CSMD2: variants seen among roughly 807,000 people sequenced by gnomAD.
The protein encoded by CSMD2 is CUB and Sushi multiple domains 2.
In CSMD2, 130 loss-of-function variants were observed where a neutral mutation model predicts 398.5. The ratio of observed to expected loss-of-function variants is 0.33; its 90% CI spans 0.28 to 0.38. The LOEUF is 0.38. Ranked by LOEUF, CSMD2 falls within the 10% of genes least tolerant of loss-of-function variation. The pLI, the probability that CSMD2 is intolerant of heterozygous loss-of-function variation, is 1.00. For synonymous variants in CSMD2, 1,828 were observed against 1,908.5 expected, an observed-to-expected ratio of 0.96 and a Z score of 1.10; for missense variants, 3,829 against 4,764.9, an observed-to-expected ratio of 0.80 and a Z score of 5.78.
chr1:33,990,619 C>A (rs34149410), intron 3 of CSMD2, among the ~76,000 whole-genome samples: 3 of 152,194 alleles, frequency 2.0e-5, no homozygotes, highest in African/African-American at 7.2e-5. Flanking sequence ...TCACCCCAAA[C>A]TCAAGGGACT....
intron 28 of CSMD2, 69 bp from the exon 29 acceptor site, chr1:33,646,904 C>T (rs746559877): frequency 1.5e-5 from 22 of 1,491,550 alleles, no homozygotes; most frequent in Non-Finnish European, 2.0e-5. Flanking sequence ...GGGTCTTAGG[C>T]TCAACCAAAG....
chr1:34,082,767 AC>A (rs1182859487), intron 2 of CSMD2, among the ~76,000 whole-genome samples: 10 of 151,990 alleles, frequency 6.6e-5, no homozygotes. Flanking sequence ...CTATAACCTT[AC>A]CCCCAACCCC....
At chr1:34,104,640 G>A (rs915112724) in intron 1 of CSMD2, among the ~76,000 whole-genome samples, 4 of 152,152 alleles carry the variant, frequency 2.6e-5, no homozygotes, top group Admixed American at 6.5e-5. Flanking sequence ...AAATCATCAC[G>A]CCCGCTGAAG....
chr1:34,030,120 C>T (rs1375509321), intron 3 of CSMD2, among the ~76,000 whole-genome samples: 16 of 152,202 alleles, frequency 1.1e-4, no homozygotes, highest in Non-Finnish European at 7.3e-5. Flanking sequence ...GGCTGTTCTA[C>T]ATGGCAGACA....
chr1:33,797,425 G>A (rs1365794753), intron 10 of CSMD2, among the ~76,000 whole-genome samples: 1 of 152,178 alleles, frequency 6.6e-6, no homozygotes, highest in Non-Finnish European at 1.5e-5. Flanking sequence ...CAGCACAATA[G>A]CTATTTTGAG....
At chr1:33,736,915 T>C (rs900493676) in intron 15 of CSMD2, among the ~76,000 whole-genome samples, 5 of 152,168 alleles carry the variant, frequency 3.3e-5, no homozygotes, top group African/African-American at 1.2e-4. Flanking sequence ...CTCAGAGATA[T>C]GAACCAACAC....
At chr1:33,769,303 G>A (rs959217608) in intron 13 of CSMD2, among the ~76,000 whole-genome samples, 11 of 152,206 alleles carry the variant, frequency 7.2e-5, no homozygotes, top group Non-Finnish European at 1.6e-4. Context: ...CAATTTCCTA[G>A]GCAGAGACTG....
chr1:34,073,565 A>C (rs567747125), intron 2 of CSMD2, among the ~76,000 whole-genome samples: 58 of 152,312 alleles, frequency 3.8e-4, no homozygotes, highest in African/African-American at 1.3e-3. Context: ...TTCTCACTCT[A>C]TACACTGCTG....
intron 21 of CSMD2, among the ~76,000 whole-genome samples, chr1:33,712,917 G>A (rs1242083557): frequency 2.6e-5 from 4 of 152,166 alleles, no homozygotes; most frequent in Non-Finnish European, 5.9e-5. Flanking sequence ...GTTCAGAAAT[G>A]GAATTCTGTA....
At chr1:33,798,960 C>T (rs1655278023) in intron 10 of CSMD2, among the ~76,000 whole-genome samples, 2 of 152,230 alleles carry the variant, frequency 1.3e-5, no homozygotes, top group South Asian at 4.1e-4. Context: ...AAGCTAGAGT[C>T]CCGGGAGATG....
At chr1:33,829,781 T>C (rs1034528377) in intron 6 of CSMD2, among the ~76,000 whole-genome samples, 2 of 152,146 alleles carry the variant, frequency 1.3e-5, no homozygotes, top group Non-Finnish European at 2.9e-5. Flanking sequence ...AGACGGCACG[T>C]GGAAAATCGG....
At chr1:33,864,896 C>T (rs981132833) in intron 5 of CSMD2, 282 of 348,060 alleles carry the variant, frequency 8.1e-4, no homozygotes, top group Non-Finnish European at 8.8e-4. Flanking sequence ...AGGAGGGGAA[C>T]GGAGAGGACG....
At chr1:33,970,772 C>G (rs181034561) in intron 3 of CSMD2, among the ~76,000 whole-genome samples, 1 of 152,330 alleles carries the variant, frequency 6.6e-6, no homozygotes, top group East Asian at 1.9e-4. Context: ...AGCCTCAGAG[C>G]AGGCAGGTGA....
chr1:34,140,029 G>A (rs1345859260), intron 1 of CSMD2, among the ~76,000 whole-genome samples: 2 of 152,140 alleles, frequency 1.3e-5, no homozygotes, highest in Non-Finnish European at 2.9e-5. Context: ...TGGTCCAGAG[G>A]TAGGATAATA....
intron 53 of CSMD2, among the ~76,000 whole-genome samples, chr1:33,561,460 A>C (rs1658535630): frequency 6.6e-6 from 1 of 152,228 alleles, no homozygotes; most frequent in Non-Finnish European, 1.5e-5. Flanking sequence ...TTGCTTTGAA[A>C]ATAGATTCAA....
chr1:33,695,460 C>G (rs1288008824), intron 24 of CSMD2, among the ~76,000 whole-genome samples: 4 of 152,114 alleles, frequency 2.6e-5, no homozygotes, highest in Admixed American at 2.6e-4. Flanking sequence ...GGTCTACATT[C>G]CCCATTGGAG....
chr1:33,540,320 G>A (rs1278579750), intron 60 of CSMD2, among the ~76,000 whole-genome samples: 1 of 151,552 alleles, frequency 6.6e-6, no homozygotes, highest in Non-Finnish European at 1.5e-5. Context: ...ACCATAGACA[G>A]TATCTGACAC....
chr1:33,958,318 G>A (rs971280176), intron 3 of CSMD2, among the ~76,000 whole-genome samples: 3 of 152,162 alleles, frequency 2.0e-5, no homozygotes. Flanking sequence ...TAAGTGTAAA[G>A]CACCTCTTCC....
chr1:33,625,443 C>T (rs1451839616), intron 33 of CSMD2, among the ~76,000 whole-genome samples, 189 bp from the exon 34 acceptor site: 2 of 152,204 alleles, frequency 1.3e-5, no homozygotes, highest in Admixed American at 6.5e-5. Flanking sequence ...GTTGGACACA[C>T]AGCGCTACAG....
Sources: gnomAD v4.1 joint callset for allele counts (sites outside exome capture counted in the v4.1 genomes callset) on GRCh38, gnomAD v4.1.1 for gene constraint, MANE v1.5 for transcripts, NCBI Gene and HGNC (gene_info 2026-07-23, HGNC 2026-07-21) for gene names.